The following DCHS2 variants were observed in gnomAD, a reference collection of about 807,000 sequenced individuals.
DCHS2 encodes the protein dachsous cadherin-related 2, also known as protocadherin-23.
A neutral mutation model predicts 182.4 loss-of-function variants in DCHS2; 142 were observed. The observed-to-expected ratio is 0.78, with a 90% CI of 0.68 to 0.89. DCHS2 has a LOEUF of 0.89. Among genes scored for constraint, DCHS2 ranks in the 40% least tolerant of loss-of-function variants. The probability of loss-of-function intolerance (pLI) is 0.00; values close to 1 mark genes in which losing one functional copy is unlikely to be tolerated. For missense variants in DCHS2, 4,319 were observed against 4,198.6 expected (o/e 1.03, Z -0.79); for synonymous variants, 1,740 against 1,663.3 (o/e 1.05, Z -1.12).
intron 17 of DCHS2, among the ~76,000 whole-genome samples, chr4:154,242,331 T>A (rs1353208287): frequency 6.6e-6 from 1 of 152,192 alleles, no homozygotes; most frequent in Non-Finnish European, 1.5e-5. Context: ...TCACAATGGT[T>A]ATCACAGTCA....
At chr4:154,445,337 A>C (rs1734235834) in intron 1 of DCHS2, among the ~76,000 whole-genome samples, 1 of 152,238 alleles carries the variant, frequency 6.6e-6, no homozygotes, top group Non-Finnish European at 1.5e-5. Context: ...TTGAACAGGA[A>C]ATCAATTTCT....
intron 1 of DCHS2, among the ~76,000 whole-genome samples, chr4:154,433,765 C>A (rs1364090684): frequency 6.6e-6 from 1 of 152,192 alleles, no homozygotes; most frequent in African/African-American, 2.4e-5. Flanking sequence ...ACGCACTCCT[C>A]TCACTAGGCT....
In DCHS2 at chr4:154,234,258, C is replaced by G. The variant is rs997820582; in HGVS notation, c.*278G>C. The G allele has an allele frequency of 3.4e-6, 1 of 297,174 alleles. No individual in the cohort carries two copies. Among genetic ancestry groups the G allele is most frequent in the Non-Finnish European group, 6.1e-6 (1 of 163,702 alleles). 18.4% of individuals were successfully genotyped at this position (297,174 alleles called of 1,614,324 possible). A position where few individuals can be genotyped will look rare whatever the true frequency, so the allele number is the denominator to read the frequency against. On this transcript the variant is annotated 3_prime_UTR_variant, in exon 20 of 20. Coordinates refer to ENST00000357232, the MANE Select transcript of DCHS2 (RefSeq NM_001358235.2). ...TAAGTTCACTGTGTCCTTTGGAAGT[C>G]TAATCATACAGACAACAGGTCTGAC...
intron 13 of DCHS2, among the ~76,000 whole-genome samples, chr4:154,281,756 T>C (rs77355888): frequency 0.013 from 1,951 of 152,228 alleles, 45 homozygotes; most frequent in African/African-American, 0.045. Context: ...AGCTAGAGGC[T>C]TCATACTTAC....
intron 1 of DCHS2, among the ~76,000 whole-genome samples, chr4:154,385,615 G>A (rs1216153552): frequency 6.6e-6 from 1 of 151,916 alleles, no homozygotes; most frequent in Admixed American, 6.6e-5. Context: ...AGCCTCCCAA[G>A]TGCTGAGACT....
At chr4:154,410,681 A>T (rs1265688202) in intron 1 of DCHS2, among the ~76,000 whole-genome samples, 1 of 151,964 alleles carries the variant, frequency 6.6e-6, no homozygotes, top group African/African-American at 2.4e-5. Context: ...AAGAGAAGAG[A>T]AAAAGATAGG....
chr4:154,383,145 G>T (rs1276578636), intron 1 of DCHS2, among the ~76,000 whole-genome samples: 1 of 152,166 alleles, frequency 6.6e-6, no homozygotes, highest in Non-Finnish European at 1.5e-5. Context: ...ACTATGGAAT[G>T]CTACACAGCC....
At chr4:154,312,342 T>C (rs1735700457) in intron 10 of DCHS2, among the ~76,000 whole-genome samples, 1 of 152,170 alleles carries the variant, frequency 6.6e-6, no homozygotes, top group African/African-American at 2.4e-5. Context: ...GATGGACAAA[T>C]GCCACTGGGG....
At chr4:154,298,818 G>A (rs147050708) in intron 12 of DCHS2, 110 bp from the exon 13 acceptor site, 145 of 1,385,746 alleles carry the variant, frequency 1.0e-4, no homozygotes, top group African/African-American at 8.1e-4. Flanking sequence ...ATTTATTCCC[G>A]ATTATATTGT....
chr4:154,409,911 T>A (rs140532720), intron 1 of DCHS2, among the ~76,000 whole-genome samples: 155 of 152,308 alleles, frequency 1.0e-3, no homozygotes, highest in African/African-American at 3.7e-3. Context: ...ATCACTGACA[T>A]TGATTGCAGC....
intron 1 of DCHS2, among the ~76,000 whole-genome samples, chr4:154,468,384 C>T (rs1025485311): frequency 2.6e-5 from 4 of 152,114 alleles, no homozygotes; most frequent in African/African-American, 9.7e-5. Flanking sequence ...TTTGAACACT[C>T]ATGTCATCTA....
intron 13 of DCHS2, among the ~76,000 whole-genome samples, chr4:154,274,835 A>T (rs190514483): frequency 6.6e-6 from 1 of 152,060 alleles, no homozygotes; most frequent in African/African-American, 2.4e-5. Context: ...TTTTTTTTCA[A>T]ATAACTCACT....
At position 154,321,119 on chromosome 4, in the gene DCHS2, G is replaced by T; in HGVS notation, c.4280C>A (p.Ser1427Ter). ...KPTKIMSLIK[S>*]SDHLQQHYNG... ...ATAATGTTGTTGAAGGTGATCAGATGACTTTATCAAGCTCATTATTTTTGT... is the reference window on the plus strand; with the variant it reads ...ATAATGTTGTTGAAGGTGATCAGATTACTTTATCAAGCTCATTATTTTTGT... The change falls in exon 9 of 20, where the codon TCA becomes TAA. Residue 1427 changes from serine to a stop codon, truncating the protein, a stop_gained. Coordinates refer to ENST00000357232, the MANE Select transcript of DCHS2 (RefSeq NM_001358235.2). LOFTEE classifies it high-confidence loss of function. 6.2e-7 allele frequency: 1 copy of T among 1,603,978 alleles called. No homozygotes were observed. Among genetic ancestry groups the T allele is most frequent in the South Asian group, 1.1e-5 (1 of 89,986 alleles).
chr4:154,490,393 G>A lies in DCHS2; in HGVS notation c.963C>T (p.Thr321=). The change falls in exon 1 of 20, where the codon ACC becomes ACT. Residue 321 remains threonine (T), a synonymous_variant. Coordinates refer to ENST00000357232, the MANE Select transcript of DCHS2 (RefSeq NM_001358235.2). ...AGCCATTGGGCCCCAGGTCGCGGTC[G>A]GTGGCGCGCACGCGACAGACCTCGG... The part of the protein sequence containing the change: ...PGAEVCRVRA[T]DRDLGPNGFV... 3.3e-6 allele frequency: 5 copies of A among 1,533,340 alleles called. No individual in the cohort carries two copies. Among genetic ancestry groups the A allele is most frequent in the Non-Finnish European group, 4.4e-6 (5 of 1,144,484 alleles). 95.0% of individuals were successfully genotyped at this position (1,533,340 alleles called of 1,614,324 possible).
chr4:154,402,367 T>C (rs1732224549), intron 1 of DCHS2, among the ~76,000 whole-genome samples: 1 of 152,214 alleles, frequency 6.6e-6, no homozygotes, highest in Non-Finnish European at 1.5e-5. Context: ...TCCACTATAT[T>C]ACCATATAGA....
intron 1 of DCHS2, among the ~76,000 whole-genome samples, chr4:154,410,821 C>T (rs1412892441): frequency 2.6e-5 from 4 of 152,066 alleles, no homozygotes; most frequent in Admixed American, 2.6e-4. Context: ...TTCTCTGAAG[C>T]ACATTATAAT....
At position 154,242,659 on chromosome 4, in the gene DCHS2, G is replaced by T. The variant is rs1731881154; in HGVS notation, c.7055C>A (p.Ala2352Glu). Reference protein sequence around the residue: ...DNAPAFLPSEAVEITEDSLPG... With the variant: ...DNAPAFLPSEEVEITEDSLPG... ...ACACTTACCTTCTGTAATTTCCACT[G>T]CTTCAGAGGGGAGAAAAGCTGGGGC... is the stretch of plus-strand genomic sequence containing the variant. The change falls in exon 17 of 20, where the codon GCA (alanine) becomes GAA (glutamate). Residue 2352 changes from alanine to glutamate, a missense_variant. By Grantham distance (107) the Ala-to-Glu change is moderately radical. Transcript: ENST00000357232. 1.2e-6 allele frequency: 2 copies of T among 1,611,880 alleles called. No individual in the cohort carries two copies. The highest frequency in any genetic ancestry group is 1.7e-6 in the Non-Finnish European group (2 of 1,179,102).
In DCHS2 at chr4:154,471,979, A is replaced by G. The variant is rs191116835; in HGVS notation, c.2052+17325T>C. Among the ~76,000 whole-genome samples, 239 of 152,322 alleles carry G rather than the reference A, an allele frequency of 1.6e-3. 2 individuals carry two copies. Among genetic ancestry groups the G allele is most frequent in the Non-Finnish European group, 1.5e-3 (105 of 68,032 alleles). On this transcript the variant is annotated intron_variant, in intron 1 of 19. Transcript: ENST00000357232. ...GTAATGGCATTAAGGATTCTACTAC[A>G]CTACTACAAATATTGTACGCCTCAT...
At chr4:154,389,417 A>G (rs911830282) in intron 1 of DCHS2, among the ~76,000 whole-genome samples, 4 of 150,130 alleles carry the variant, frequency 2.7e-5, no homozygotes, top group African/African-American at 7.3e-5. Flanking sequence ...TCCAGTGCAT[A>G]TCAGGGGCTT....
Sources: allele counts gnomAD v4.1 joint callset (sites outside exome capture counted in the v4.1 genomes callset), GRCh38; gene constraint gnomAD v4.1.1; transcripts MANE v1.5; gene names NCBI Gene and HGNC (gene_info 2026-07-23, HGNC 2026-07-21).